The following KIF1A variants were observed in gnomAD, a reference collection of about 807,000 sequenced individuals.
The protein encoded by KIF1A is kinesin family member 1A.
KIF1A carries 46 observed loss-of-function variants against 227.3 expected under a neutral mutation model. That is an observed-to-expected ratio of 0.20 (90% CI 0.16 to 0.26). The LOEUF (loss-of-function observed/expected upper bound fraction) is 0.26, where lower values mean the gene tolerates loss of function less well. Ranked by LOEUF, KIF1A falls within the 10% of genes least tolerant of loss-of-function variation. KIF1A has a pLI of 1.00. For synonymous variants in KIF1A, 1,022 were observed against 1,012.8 expected (o/e 1.01, Z -0.17); for missense variants, 1,683 against 2,485.9 (o/e 0.68, Z 6.87).
rs766457851 is a variant in KIF1A, at chr2:240,789,215, C to T, written c.183+21G>A. 1.6e-5 allele frequency: 26 copies of T among 1,607,286 alleles called. No individual in the cohort carries two copies. Among genetic ancestry groups the T allele is most frequent in the South Asian group, 8.8e-5 (8 of 90,934 alleles). ...TATGCACTGCTGCCCCCGCCTCCCCCGACCCGGGGTCCCGGCTTACTGAGG... is the reference window on the plus strand; with the variant it reads ...TATGCACTGCTGCCCCCGCCTCCCCTGACCCGGGGTCCCGGCTTACTGAGG... On this transcript the variant is annotated intron_variant, in intron 3 of 48. Coordinates refer to ENST00000498729, the MANE Select transcript of KIF1A (RefSeq NM_001244008.2). This position sits in a 1 kb window ranked among gnomAD's most constrained non-coding sequence, Gnocchi z 4.8.
rs1368993462 is a variant in KIF1A at position 240,778,975 on chromosome 2, C to T, written c.883-3049G>A. On this transcript the variant is annotated intron_variant, in intron 10 of 48. Coordinates refer to ENST00000498729, the MANE Select transcript of KIF1A (RefSeq NM_001244008.2). The surrounding 1 kb of genome is among the most constrained non-coding windows in gnomAD (Gnocchi z 7.2). ...ACACAGCGCTCCACACGGCTCCTCA[C>T]GGGTCCCCAACAGCACCTCCATGTT... 6.6e-6 allele frequency among the ~76,000 whole-genome samples: 1 copy of T among 152,196 alleles called. No individual in the cohort carries two copies. The highest frequency in any genetic ancestry group is 1.5e-5 in the Non-Finnish European group (1 of 68,048).
intron 10 of KIF1A, among the ~76,000 whole-genome samples, chr2:240,779,181 CCCTCACTCAGTTCCACACTCAGTT>C (rs2053209413): frequency 3.4e-5 from 5 of 146,448 alleles, no homozygotes; most frequent in Admixed American, 3.4e-4. Flanking sequence ...CACACTCAGT[CCCTCACTCAGTTCCACACTCAGTT>C]CCTCACAGTT....
At chr2:240,769,792 C>T (rs936605259) in intron 15 of KIF1A, 86 bp from the exon 16 acceptor site, 14 of 1,091,664 alleles carry the variant, frequency 1.3e-5, no homozygotes, top group Non-Finnish European at 1.8e-5. Context: ...GGAGAAGGAG[C>T]TGCAAAGCAC....
In KIF1A at chr2:240,758,573, G is replaced by A. The variant is rs559546618; in HGVS notation, c.2445-76C>T. The A allele has an allele frequency of 1.7e-5, 24 of 1,404,996 alleles. No homozygotes were observed. The African/African-American group carries it at 2.6e-4, about 15-fold the overall frequency. 87.0% of individuals were successfully genotyped at this position (1,404,996 alleles called of 1,614,324 possible). Reference sequence around the variant, plus strand: ...TGGCACCGCACACCCTTATCTCCTGGGGACAGTGGGCTCAGCCTAGCTCTG... The same window carrying A: ...TGGCACCGCACACCCTTATCTCCTGAGGACAGTGGGCTCAGCCTAGCTCTG... On this transcript the variant is annotated intron_variant, in intron 25 of 48. Coordinates refer to ENST00000498729, the MANE Select transcript of KIF1A (RefSeq NM_001244008.2). The surrounding 1 kb of genome is among the most constrained non-coding windows in gnomAD (Gnocchi z 5.2).
chr2:240,766,882 T>C lies in KIF1A; in HGVS notation c.1684+33A>G. ...GCCTGATCATCACGGCACAGGGGCA[T>C]GGGTGCGGGTAGGGACGGTAGGGTG... On this transcript the variant is annotated intron_variant, in intron 19 of 48. Coordinates refer to ENST00000498729, the MANE Select transcript of KIF1A (RefSeq NM_001244008.2). The surrounding 1 kb of genome is among the most constrained non-coding windows in gnomAD (Gnocchi z 5.0). 6.8e-7 allele frequency: 1 copy of C among 1,466,878 alleles called. No homozygotes were observed. Among genetic ancestry groups the C allele is most frequent in the Non-Finnish European group, 9.4e-7 (1 of 1,061,002 alleles). 90.9% of individuals were successfully genotyped at this position (1,466,878 alleles called of 1,614,324 possible). A position where few individuals can be genotyped will look rare whatever the true frequency, so the allele number is the denominator to read the frequency against.
chr2:240,714,663 G>A lies in KIF1A; in HGVS notation c.*2701C>T, dbSNP rs1256734761. The A allele has an allele frequency of 6.6e-6, 1 of 152,160 alleles. No homozygotes were observed. Among genetic ancestry groups the A allele is most frequent in the Non-Finnish European group, 1.5e-5 (1 of 68,042 alleles). 9.4% of individuals were successfully genotyped at this position (152,160 alleles called of 1,614,324 possible). A position where few individuals can be genotyped will look rare whatever the true frequency, so the allele number is the denominator to read the frequency against. ...GAAACCGACTCCTGGGGAGCTCAAG[G>A]AAGGCAGCTAACGTGGTCCCTAGGT... On this transcript the variant is annotated 3_prime_UTR_variant, in exon 49 of 49. Coordinates refer to ENST00000498729, the MANE Select transcript of KIF1A (RefSeq NM_001244008.2).
intron 38 of KIF1A, among the ~76,000 whole-genome samples, chr2:240,733,730 C>T (rs3772052): frequency 9.9e-5 from 15 of 152,118 alleles, no homozygotes; most frequent in Non-Finnish European, 2.2e-4. Context: ...GTGCCAGGAG[C>T]GGCCTCACAC....
In KIF1A at chr2:240,788,427, G is replaced by C. The variant is rs574148483; in HGVS notation, c.184-197C>G. On this transcript the variant is annotated intron_variant, in intron 3 of 48. Coordinates refer to ENST00000498729, the MANE Select transcript of KIF1A (RefSeq NM_001244008.2). The surrounding 1 kb of genome is among the most constrained non-coding windows in gnomAD (Gnocchi z 6.6). ...GAGAAGCCCTCTGTGTCACAGATGC[G>C]GGATGAAGAGCGGCCAGCCAGGCAG... is the stretch of plus-strand genomic sequence containing the variant. Among the ~76,000 whole-genome samples the C allele has an allele frequency of 6.6e-6, 1 of 152,160 alleles. No homozygotes were observed. The highest frequency in any genetic ancestry group is 6.5e-5 in the Admixed American group (1 of 15,280).
chr2:240,767,467 G>A, intron 17 of KIF1A, 122 bp from the exon 18 acceptor site: 1 of 769,840 alleles, frequency 1.3e-6, no homozygotes, highest in Non-Finnish European at 2.2e-6. Flanking sequence ...CCCGCACTTG[G>A]CTGGTGCCAC....
intron 38 of KIF1A, among the ~76,000 whole-genome samples, chr2:240,728,592 C>G (rs567295795): frequency 6.6e-6 from 1 of 152,278 alleles, no homozygotes; most frequent in African/African-American, 2.4e-5. Flanking sequence ...CAGGTGGAGC[C>G]CCTGGCCCTG....
intron 10 of KIF1A, among the ~76,000 whole-genome samples, chr2:240,780,193 A>G (rs59733750): frequency 0.2 from 29,485 of 151,136 alleles, 4,054 homozygotes; most frequent in African/African-American, 0.4. Flanking sequence ...CCCAGCAGCC[A>G]CCCGCCTGGC....
In KIF1A at chr2:240,797,791, AG is replaced by A; in HGVS notation, c.-40del. The A allele has an allele frequency of 7.4e-7, 1 of 1,345,698 alleles. No homozygotes were observed. Among genetic ancestry groups the A allele is most frequent in the Non-Finnish European group, 1.1e-6 (1 of 950,334 alleles). The allele number at this position is 1,345,698 out of a possible 1,614,324, so 83.4% of individuals were successfully genotyped here. On this transcript the variant is annotated 5_prime_UTR_variant, in exon 2 of 49. Transcript: ENST00000498729. ...GTGGGTCACTCCTCGCAGTAGTGGG[AG>A]CCCCAGTGTGGGGGGAACACCTTGG...
intron 38 of KIF1A, among the ~76,000 whole-genome samples, chr2:240,730,456 C>G (rs929617821): frequency 6.6e-6 from 1 of 152,188 alleles, no homozygotes; most frequent in Non-Finnish European, 1.5e-5. Flanking sequence ...CGAGGTTGCT[C>G]CAGGCCCTGT....
rs2049395753 is a variant in KIF1A at position 240,752,912 on chromosome 2, A to G, written c.2859-2365T>C. ...GTTCCTGAATCCATTGGCGCAGCTC[A>G]CAGGAAGGAGAGGCTAGAGCTGTCC... On this transcript the variant is annotated intron_variant, in intron 27 of 48. Coordinates refer to ENST00000498729, the MANE Select transcript of KIF1A (RefSeq NM_001244008.2). The surrounding 1 kb of genome is among the most constrained non-coding windows in gnomAD (Gnocchi z 6.4). Among the ~76,000 whole-genome samples the G allele has an allele frequency of 6.6e-6, 1 of 152,164 alleles. No homozygotes were observed. The highest frequency in any genetic ancestry group is 1.5e-5 in the Non-Finnish European group (1 of 68,018).
chr2:240,765,451 C>T (rs962674863), intron 20 of KIF1A, among the ~76,000 whole-genome samples: 1 of 152,256 alleles, frequency 6.6e-6, no homozygotes, highest in Non-Finnish European at 1.5e-5. Flanking sequence ...GCTCCTCACT[C>T]AGCCCACAGC....
At chr2:240,750,645 G>T in intron 27 of KIF1A, 98 bp from the exon 28 acceptor site, 1 of 895,932 alleles carries the variant, frequency 1.1e-6, no homozygotes, top group East Asian at 2.6e-5. Flanking sequence ...ACAACATGGA[G>T]CTGCAAAGCA....
chr2:240,782,638 G>T, intron 9 of KIF1A, 31 bp from the exon 10 acceptor site: 1 of 1,550,790 alleles, frequency 6.4e-7, no homozygotes, highest in South Asian at 1.2e-5. Context: ...AGAGGCTGAG[G>T]CCCGGAGCGA....
At chr2:240,723,147 G>C (rs1559477482) in intron 42 of KIF1A, among the ~76,000 whole-genome samples, 1 of 152,198 alleles carries the variant, frequency 6.6e-6, no homozygotes, top group Non-Finnish European at 1.5e-5. Flanking sequence ...GTCCCTTTCT[G>C]GCCTCTGTCT....
chr2:240,762,178 A>G (rs2050612460), intron 23 of KIF1A, among the ~76,000 whole-genome samples: 1 of 152,238 alleles, frequency 6.6e-6, no homozygotes, highest in Non-Finnish European at 1.5e-5. Flanking sequence ...ACCTGGCCAG[A>G]GGCTGAGATG....
Sources: gnomAD v4.1 joint callset for allele counts (sites outside exome capture counted in the v4.1 genomes callset) on GRCh38, gnomAD v4.1.1 for gene constraint, Gnocchi (gnomAD v3.1) non-coding constraint, MANE v1.5 for transcripts, NCBI Gene and HGNC (gene_info 2026-07-23, HGNC 2026-07-21) for gene names.